HSP90B1: variants seen among roughly 807,000 people sequenced by gnomAD.
HSP90B1 encodes the protein endoplasmin.
HSP90B1 carries 27 observed loss-of-function variants against 100.4 expected under a neutral mutation model. The ratio of observed to expected loss-of-function variants is 0.27; its 90% CI spans 0.20 to 0.37. The LOEUF (loss-of-function observed/expected upper bound fraction) is 0.37, where lower values mean the gene tolerates loss of function less well. Ranked by LOEUF, HSP90B1 falls within the 10% of genes least tolerant of loss-of-function variation. The pLI, the probability that HSP90B1 is intolerant of heterozygous loss-of-function variation, is 1.00. For missense variants in HSP90B1, 678 were observed against 960.5 expected (o/e 0.71, Z 3.89); for synonymous variants, 304 against 330.8 (o/e 0.92, Z 0.88).
At chr12:103,937,619 A>C in intron 5 of HSP90B1, 76 bp from the exon 6 acceptor site, 1 of 743,898 alleles carries the variant, frequency 1.3e-6, no homozygotes, top group Non-Finnish European at 2.4e-6. Flanking sequence ...GCTGGCTATT[A>C]CCATGGTATT....
chr12:103,941,112 G>C (rs1299070114), intron 8 of HSP90B1, among the ~76,000 whole-genome samples: 1 of 152,114 alleles, frequency 6.6e-6, no homozygotes, highest in Non-Finnish European at 1.5e-5. Context: ...TCTCTCATAC[G>C]TAAGAAGTAT....
intron 14 of HSP90B1, among the ~76,000 whole-genome samples, chr12:103,944,642 C>T (rs998467132): frequency 2.0e-4 from 31 of 151,848 alleles, no homozygotes; most frequent in African/African-American, 6.8e-4. Flanking sequence ...CTGCAACCTC[C>T]GCCTCCTGGG....
At chr12:103,935,906 A>C (rs1477089985) in intron 5 of HSP90B1, among the ~76,000 whole-genome samples, 1 of 152,260 alleles carries the variant, frequency 6.6e-6, no homozygotes, top group Non-Finnish European at 1.5e-5. Flanking sequence ...CTTAACACTT[A>C]ATTGGCAGCC....
At chr12:103,932,036 G>A in intron 2 of HSP90B1, 1 of 465,430 alleles carries the variant, frequency 2.1e-6, no homozygotes, top group East Asian at 3.8e-5. Flanking sequence ...CTTTTTAGTA[G>A]AGGAAAGTTG....
At chr12:103,938,682 C>CT (rs568530695) in intron 7 of HSP90B1, 1 of 324,998 alleles carries the variant, frequency 3.1e-6, no homozygotes, top group African/African-American at 2.1e-5. Flanking sequence ...AGTTTTCTAA[C>CT]TTTTATATAT....
intron 6 of HSP90B1, 124 bp downstream of exon 6, chr12:103,937,930 GC>G (rs1242696393): frequency 1.8e-6 from 1 of 552,826 alleles, no homozygotes; most frequent in Non-Finnish European, 3.3e-6. Context: ...ACTTTGGGAG[GC>G]CGAGACAGGT....
In HSP90B1 at chr12:103,941,697, C is replaced by G; in HGVS notation, c.1299C>G (p.Val433=). ...TGATGCCTAAATACCTCAATTTTGT[C>G]AAGGGTGTGGTAAGTATCTGAAGTT... ...HDMMPKYLNF[V]KGVVDSDDLP... The change falls in exon 10 of 18, where the codon GTC becomes GTG. Residue 433 remains valine (V), a synonymous_variant. Transcript: ENST00000299767. 6.2e-7 allele frequency: 1 copy of G among 1,613,780 alleles called. No individual in the cohort carries two copies.
At chr12:103,935,749 G>A (rs1195646370) in intron 5 of HSP90B1, among the ~76,000 whole-genome samples, 1 of 152,156 alleles carries the variant, frequency 6.6e-6, no homozygotes, top group Non-Finnish European at 1.5e-5. Flanking sequence ...GCTAGATGTT[G>A]GAGAAGGATA....
rs552173668 is a variant in HSP90B1, at chr12:103,946,726, TTTTAA to T, written c.2106+34_2106+38del. The stretch of plus-strand genomic sequence containing the variant: ...TATTAAAGCAGTCCTCTTGCTTGTC[TTTTAA>T]TTTGAGTACTTTGTATCTTTTAATA... On this transcript the variant is annotated intron_variant, in intron 15 of 17. Transcript: ENST00000299767. The T allele has an allele frequency of 4.3e-4, 689 of 1,613,036 alleles. 2 individuals are homozygous for T. The highest frequency in any genetic ancestry group is 2.5e-3 in the African/African-American group (189 of 74,984).
At chr12:103,932,174 C>A (rs1383690464) in intron 2 of HSP90B1, 103 bp from the exon 3 acceptor site, 3 of 896,498 alleles carry the variant, frequency 3.3e-6, no homozygotes, top group South Asian at 1.9e-5. Flanking sequence ...CCATTTTAAC[C>A]CCCAAGACAA....
In HSP90B1 at chr12:103,931,587, G is replaced by A. The variant is rs765969582; in HGVS notation, c.116G>A (p.Arg39Lys). The change falls in exon 2 of 18, where the codon AGA becomes AAA. Residue 39 changes from arginine (R) to lysine (K), a missense_variant. Transcript: ENST00000299767. ...GTAGAAGAGGATCTGGGTAAAAGTAGAGAAGGATCAAGGACGGATGATGAA... is the reference window on the plus strand; with the variant it reads ...GTAGAAGAGGATCTGGGTAAAAGTAAAGAAGGATCAAGGACGGATGATGAA... ...GTVEEDLGKSREGSRTDDEVV... is the reference protein window; with the variant it reads ...GTVEEDLGKSKEGSRTDDEVV... The A allele has an allele frequency of 1.9e-6, 3 of 1,613,712 alleles. No homozygotes were observed. Among genetic ancestry groups the A allele is most frequent in the Non-Finnish European group, 2.5e-6 (3 of 1,179,666 alleles).
intron 5 of HSP90B1, among the ~76,000 whole-genome samples, chr12:103,936,715 A>G (rs1869929120): frequency 6.6e-6 from 1 of 151,758 alleles, no homozygotes; most frequent in African/African-American, 2.4e-5. Flanking sequence ...TCTAGGTCTC[A>G]CTACTGGGCT....
chr12:103,941,937 G>A (rs1378207587), intron 11 of HSP90B1, 40 bp downstream of exon 11: 1 of 1,519,566 alleles, frequency 6.6e-7, no homozygotes, highest in African/African-American at 1.4e-5. Flanking sequence ...TTTGCTGTTT[G>A]ATTGGGGTTC....
intron 5 of HSP90B1, among the ~76,000 whole-genome samples, chr12:103,937,258 C>T (rs1869945193): frequency 6.6e-6 from 1 of 152,080 alleles, no homozygotes; most frequent in Non-Finnish European, 1.5e-5. Flanking sequence ...AAATATAAAC[C>T]AGATTAATTT....
rs1289744291 is a variant in HSP90B1 at position 103,943,293 on chromosome 12, A to G, written c.1864A>G (p.Met622Val). The change falls in exon 13 of 18, where the codon ATG becomes GTG. Residue 622 changes from methionine to valine, a missense_variant. Coordinates refer to ENST00000299767, the MANE Select transcript of HSP90B1 (RefSeq NM_003299.3). The surrounding 1 kb of genome is among the most constrained non-coding windows in gnomAD (Gnocchi z 5.3). ...AGAATTTGAGCCTCTGCTGAATTGG[A>G]TGAAAGATAAAGCCCTTAAGGACAA... ...EKEFEPLLNW[M>V]KDKALKDKIE... The G allele has an allele frequency of 6.2e-7, 1 of 1,614,108 alleles. No homozygotes were observed. Among genetic ancestry groups the G allele is most frequent in the Non-Finnish European group, 8.5e-7 (1 of 1,179,942 alleles).
chr12:103,937,271 T>A (rs1869945574), intron 5 of HSP90B1, among the ~76,000 whole-genome samples: 1 of 152,316 alleles, frequency 6.6e-6, no homozygotes, highest in African/African-American at 2.4e-5. Context: ...ATTAATTTTC[T>A]AGCTTTTTTA....
At chr12:103,936,198 T>C (rs1286934972) in intron 5 of HSP90B1, among the ~76,000 whole-genome samples, 1 of 152,196 alleles carries the variant, frequency 6.6e-6, no homozygotes, top group Non-Finnish European at 1.5e-5. Context: ...AGCAAACTTT[T>C]TCTTAAAAGA....
At chr12:103,934,400 A>G in intron 5 of HSP90B1, 113 bp downstream of exon 5, 1 of 841,546 alleles carries the variant, frequency 1.2e-6, no homozygotes, top group Non-Finnish European at 1.9e-6. Context: ...CCTGCCTTAT[A>G]AAATGAGGAA....
chr12:103,935,176 T>G (rs1869876290), intron 5 of HSP90B1, among the ~76,000 whole-genome samples: 1 of 152,220 alleles, frequency 6.6e-6, no homozygotes, highest in Admixed American at 6.5e-5. Context: ...ATGAAAGTTG[T>G]GAAAGCTGTG....
Sources: allele counts gnomAD v4.1 joint callset (sites outside exome capture counted in the v4.1 genomes callset), GRCh38; gene constraint gnomAD v4.1.1; non-coding constraint Gnocchi (gnomAD v3.1); transcripts MANE v1.5; gene names NCBI Gene and HGNC (gene_info 2026-07-23, HGNC 2026-07-21).